The following ASB18 variants were observed in gnomAD, a reference collection of about 807,000 sequenced individuals.
ASB18 encodes the protein ankyrin repeat and SOCS box containing 18, also known as ankyrin repeat and SOCS box protein 18.
ASB18 carries 33 observed loss-of-function variants against 33.4 expected under a neutral mutation model. The ratio of observed to expected loss-of-function variants is 0.99; its 90% CI spans 0.75 to 1.32. The LOEUF is 1.32. Among genes scored for constraint, ASB18 ranks in the 40% most tolerant of loss-of-function variants. The pLI, the probability that ASB18 is intolerant of heterozygous loss-of-function variation, is 0.00. For missense variants in ASB18, 694 were observed against 655.5 expected (o/e 1.06, Z -0.64); for synonymous variants, 295 against 307.6 (o/e 0.96, Z 0.43).
rs144468696 is a variant in ASB18 at position 236,200,233 on chromosome 2, C to T, written c.1102-3848G>A. Among the ~76,000 whole-genome samples the T allele has an allele frequency of 5.1e-3, 770 of 152,228 alleles. 4 individuals carry two copies. The highest frequency in any genetic ancestry group is 6.8e-3 in the Middle Eastern group (2 of 294). On this transcript the variant is annotated intron_variant, in intron 4 of 5. Coordinates refer to ENST00000409749, the MANE Select transcript of ASB18 (RefSeq NM_212556.4). The surrounding 1 kb of genome is among the most constrained non-coding windows in gnomAD (Gnocchi z 4.2). ...GCATGGTGGTGCACATCTGTAGTCC[C>T]AGCTCCTCGGGAGGCAGAGGTAGGA...
At position 236,204,824 on chromosome 2, in the gene ASB18, C is replaced by G. The variant is rs2060425483; in HGVS notation, c.1102-8439G>C. ...ACTGAACTCCCTTGTTCACCAGGTC[C>G]CAACCTGCTGTGCCACCCATAACCT... On this transcript the variant is annotated intron_variant, in intron 4 of 5. Coordinates refer to ENST00000409749, the MANE Select transcript of ASB18 (RefSeq NM_212556.4). This position sits in a 1 kb window ranked among gnomAD's most constrained non-coding sequence, Gnocchi z 5.1. Among the ~76,000 whole-genome samples, 1 of 151,846 alleles carries G rather than the reference C, an allele frequency of 6.6e-6. No individual in the cohort carries two copies. The highest frequency in any genetic ancestry group is 2.4e-5 in the African/African-American group (1 of 41,280).
In ASB18 at chr2:236,203,242, G is replaced by A. The variant is rs1220268781; in HGVS notation, c.1102-6857C>T. 6.6e-6 allele frequency among the ~76,000 whole-genome samples: 1 copy of A among 152,146 alleles called. No individual in the cohort carries two copies. Among genetic ancestry groups the A allele is most frequent in the Non-Finnish European group, 1.5e-5 (1 of 68,040 alleles). ...TACAGTGCTGTGGTCATATGAGGGGGAGTTCAGGGGAAGATTTCTGGAAGA... is the reference window on the plus strand; with the variant it reads ...TACAGTGCTGTGGTCATATGAGGGGAAGTTCAGGGGAAGATTTCTGGAAGA... On this transcript the variant is annotated intron_variant, in intron 4 of 5. Transcript: ENST00000409749. The surrounding 1 kb of genome is among the most constrained non-coding windows in gnomAD (Gnocchi z 6.0).
chr2:236,196,460 T>A lies in ASB18; in HGVS notation c.1102-75A>T. The A allele has an allele frequency of 1.4e-6, 1 of 709,390 alleles. No homozygotes were observed. Among genetic ancestry groups the A allele is most frequent in the South Asian group, 1.6e-5 (1 of 62,682 alleles). 43.9% of individuals were successfully genotyped at this position (709,390 alleles called of 1,614,324 possible). Reference sequence around the variant, plus strand: ...CTCAGTGGGGAAAGGGTGGGGGGTGTGGGGGGATGCTCTCCCTAGCTGTGT... The same window carrying A: ...CTCAGTGGGGAAAGGGTGGGGGGTGAGGGGGGATGCTCTCCCTAGCTGTGT... On this transcript the variant is annotated intron_variant, in intron 4 of 5. Coordinates refer to ENST00000409749, the MANE Select transcript of ASB18 (RefSeq NM_212556.4). The surrounding 1 kb of genome is among the most constrained non-coding windows in gnomAD (Gnocchi z 5.6).
At position 236,250,784 on chromosome 2, in the gene ASB18, T is replaced by C. The variant is rs2060665290; in HGVS notation, c.206-9382A>G. On this transcript the variant is annotated intron_variant, in intron 1 of 5. Coordinates refer to ENST00000409749, the MANE Select transcript of ASB18 (RefSeq NM_212556.4). This position sits in a 1 kb window ranked among gnomAD's most constrained non-coding sequence, Gnocchi z 4.1. ...TTAAAAGTAAGAAGCTGGGCAGGTA[T>C]ATAAAGTTCTGCTTTTAAGAGTTCC... 1 of 152,218 alleles carries C rather than the reference T, an allele frequency of 6.6e-6. No homozygotes were observed. Among genetic ancestry groups the C allele is most frequent in the Non-Finnish European group, 1.5e-5 (1 of 68,048 alleles). 9.4% of individuals were successfully genotyped at this position (152,218 alleles called of 1,614,324 possible). A position where few individuals can be genotyped will look rare whatever the true frequency, so the allele number is the denominator to read the frequency against.
chr2:236,196,770 T>C lies in ASB18; in HGVS notation c.1102-385A>G. Among the ~76,000 whole-genome samples the C allele has an allele frequency of 6.6e-6, 1 of 152,206 alleles. No individual in the cohort carries two copies. The highest frequency in any genetic ancestry group is 1.5e-5 in the Non-Finnish European group (1 of 68,040). On this transcript the variant is annotated intron_variant, in intron 4 of 5. Transcript: ENST00000409749. The surrounding 1 kb of genome is among the most constrained non-coding windows in gnomAD (Gnocchi z 5.6). ...GCTAGGAGGAAGTTTGGCCCGAGGA[T>C]GGTGTTCCCAATTTCTTACCTCAAT...
intron 3 of ASB18, among the ~76,000 whole-genome samples, chr2:236,218,037 T>G (rs2060495632): frequency 6.6e-6 from 1 of 152,202 alleles, no homozygotes; most frequent in Non-Finnish European, 1.5e-5. Context: ...TCAGCCTCTC[T>G]AAAGAAGTCC....
rs2060396754 is a variant in ASB18, at chr2:236,200,721, G to A, written c.1102-4336C>T. Among the ~76,000 whole-genome samples, 1 of 152,186 alleles carries A rather than the reference G, an allele frequency of 6.6e-6. No individual in the cohort carries two copies. Among genetic ancestry groups the A allele is most frequent in the African/African-American group, 2.4e-5 (1 of 41,454 alleles). On this transcript the variant is annotated intron_variant, in intron 4 of 5. Coordinates refer to ENST00000409749, the MANE Select transcript of ASB18 (RefSeq NM_212556.4). This position sits in a 1 kb window ranked among gnomAD's most constrained non-coding sequence, Gnocchi z 4.2. ...TACGGATCCATAAAGGTGGAAGGAAGAGATCTTCACTCTATCGATGAATAA... is the reference window on the plus strand; with the variant it reads ...TACGGATCCATAAAGGTGGAAGGAAAAGATCTTCACTCTATCGATGAATAA...
chr2:236,237,691 G>A lies in ASB18; in HGVS notation c.594C>T (p.Leu198=), dbSNP rs1259966613. 3.4e-6 allele frequency: 5 copies of A among 1,449,722 alleles called. No homozygotes were observed. The highest frequency in any genetic ancestry group is 4.5e-6 in the Non-Finnish European group (5 of 1,107,530). 89.8% of individuals were successfully genotyped at this position (1,449,722 alleles called of 1,614,324 possible). The part of the protein sequence containing the change: ...PLHLCRTAAS[L]GCAQALLEHG... Reference sequence around the variant, plus strand: ...CGGGCCTGTCCCGAGGTCCTTACCCGAGCGAGGCGGCCGTGCGGCAGAGGT... The same window carrying A: ...CGGGCCTGTCCCGAGGTCCTTACCCAAGCGAGGCGGCCGTGCGGCAGAGGT... The change falls in exon 3 of 6, where the codon CTC becomes CTT. Residue 198 remains leucine, a splice_region_variant and synonymous_variant. Coordinates refer to ENST00000409749, the MANE Select transcript of ASB18 (RefSeq NM_212556.4). The surrounding 1 kb of genome is among the most constrained non-coding windows in gnomAD (Gnocchi z 6.2).
In ASB18 at chr2:236,214,693, CT is replaced by C; in HGVS notation, c.769del (p.Ser257AlafsTer113). 1 of 1,146,352 alleles carries C rather than the reference CT, an allele frequency of 8.7e-7. No homozygotes were observed. The highest frequency in any genetic ancestry group is 1.1e-6 in the Non-Finnish European group (1 of 934,190). 71.0% of individuals were successfully genotyped at this position (1,146,352 alleles called of 1,614,324 possible). A position where few individuals can be genotyped will look rare whatever the true frequency, so the allele number is the denominator to read the frequency against. On this transcript the variant is annotated frameshift_variant, in exon 4 of 6. Transcript: ENST00000409749. LOFTEE classifies it high-confidence loss of function. The surrounding 1 kb of genome is among the most constrained non-coding windows in gnomAD (Gnocchi z 6.5). ...CCTCCGCGCCGCACCGCAGGCCGCG[CT>C]CAGAGCCGTCTCTCCGCGGCCGTTC... ...ARNGRGETALSAACGAARRPD... is the reference protein window; with the variant it reads ...ARNGRGETALXAACGAARRPD...
In ASB18 at chr2:236,237,931, AC is replaced by A. The variant is rs1272736273; in HGVS notation, c.353del (p.Arg118LeufsTer139). Reference protein sequence around the residue: ...LSGLWTLEYKRELTTPLCIAA... With the variant: ...LSGLWTLEYKXELTTPLCIAA... ...CGATGCACAGGGGCGTGGTGAGCTC[AC>A]GCTTGTACTCCAGGGTCCAGAGGCC... On this transcript the variant is annotated frameshift_variant, in exon 3 of 6. Coordinates refer to ENST00000409749, the MANE Select transcript of ASB18 (RefSeq NM_212556.4). LOFTEE classifies it high-confidence loss of function. The surrounding 1 kb of genome is among the most constrained non-coding windows in gnomAD (Gnocchi z 6.2). 6.6e-7 allele frequency: 1 copy of A among 1,505,172 alleles called. No homozygotes were observed. The highest frequency in any genetic ancestry group is 8.8e-7 in the Non-Finnish European group (1 of 1,132,868). 93.2% of individuals were successfully genotyped at this position (1,505,172 alleles called of 1,614,324 possible).
At chr2:236,247,172 A>G (rs1401446521) in intron 1 of ASB18, among the ~76,000 whole-genome samples, 1 of 134,306 alleles carries the variant, frequency 7.4e-6, no homozygotes, top group East Asian at 2.0e-4. Context: ...AGCTCATGGT[A>G]GATAGCATTA....
chr2:236,212,698 C>T (rs763807397), intron 4 of ASB18, among the ~76,000 whole-genome samples: 16 of 152,158 alleles, frequency 1.1e-4, no homozygotes, highest in Non-Finnish European at 1.9e-4. Context: ...TATCACAGCT[C>T]ACTGCAGCCT....
rs1355851237 is a variant in ASB18 at position 236,194,955 on chromosome 2, AC to A, written c.1317del (p.Arg439SerfsTer105). 3.3e-5 allele frequency: 53 copies of A among 1,613,808 alleles called. No homozygotes were observed. Among genetic ancestry groups the A allele is most frequent in the Non-Finnish European group, 4.0e-5 (47 of 1,179,872 alleles). ...GGTAACAGGGGGATGAGGTCAAAGCACCTTTTGCCAAACAGTCTGCGAAGAG... is the reference window on the plus strand; with the variant it reads ...GGTAACAGGGGGATGAGGTCAAAGCACTTTTGCCAAACAGTCTGCGAAGAG... Reference protein sequence around the residue: ...RCALRRLFGKRCFDLIPLLPL... With the variant: ...RCALRRLFGKXCFDLIPLLPL... On this transcript the variant is annotated frameshift_variant, in exon 6 of 6. Transcript: ENST00000409749. LOFTEE classifies it low-confidence loss of function (END_TRUNC). This position sits in a 1 kb window ranked among gnomAD's most constrained non-coding sequence, Gnocchi z 4.5.
rs1003265017 is a variant in ASB18 at position 236,226,134 on chromosome 2, A to G, written c.597-11268T>C. ...GGGGACTCTTTAGAGCTGAAAAGCCATGGTCAAAACCTCAGGCCCTTTCGA... is the reference window on the plus strand; with the variant it reads ...GGGGACTCTTTAGAGCTGAAAAGCCGTGGTCAAAACCTCAGGCCCTTTCGA... On this transcript the variant is annotated intron_variant, in intron 3 of 5. Coordinates refer to ENST00000409749, the MANE Select transcript of ASB18 (RefSeq NM_212556.4). This position sits in a 1 kb window ranked among gnomAD's most constrained non-coding sequence, Gnocchi z 4.8. Among the ~76,000 whole-genome samples the G allele has an allele frequency of 1.3e-5, 2 of 152,352 alleles. No individual in the cohort carries two copies. The highest frequency in any genetic ancestry group is 2.1e-4 in the South Asian group (1 of 4,828).
Position 236,196,683 on chromosome 2 carries a change from TG to T in ASB18, c.1102-299del, listed in dbSNP as rs2060375607. Among the ~76,000 whole-genome samples, 1 of 152,220 alleles carries T rather than the reference TG, an allele frequency of 6.6e-6. No homozygotes were observed. The highest frequency in any genetic ancestry group is 6.5e-5 in the Admixed American group (1 of 15,284). ...ATTCAGGTTCCCAGGGGGGCTATGCTGGTGGCTTGGCAGGCCTCCTTGGCCC... is the reference window on the plus strand; with the variant it reads ...ATTCAGGTTCCCAGGGGGGCTATGCTGTGGCTTGGCAGGCCTCCTTGGCCC... On this transcript the variant is annotated intron_variant, in intron 4 of 5. Transcript: ENST00000409749. The surrounding 1 kb of genome is among the most constrained non-coding windows in gnomAD (Gnocchi z 5.6).
chr2:236,253,535 CTTATTATTATTA>C lies in ASB18; in HGVS notation c.205+10594_205+10605del, dbSNP rs56904956. The stretch of plus-strand genomic sequence containing the variant: ...GGGACTACAGCCACTTGCTGGTTAA[CTTATTATTATTA>C]TTATTATTATTATTATTGTGGTGGG... On this transcript the variant is annotated intron_variant, in intron 1 of 5. Coordinates refer to ENST00000409749, the MANE Select transcript of ASB18 (RefSeq NM_212556.4). This position sits in a 1 kb window ranked among gnomAD's most constrained non-coding sequence, Gnocchi z 5.4. 7.5e-5 allele frequency among the ~76,000 whole-genome samples: 11 copies of C among 146,220 alleles called. No homozygotes were observed. Among genetic ancestry groups the C allele is most frequent in the South Asian group, 2.3e-4 (1 of 4,366 alleles).
chr2:236,254,559 C>T (rs915296838), intron 1 of ASB18, among the ~76,000 whole-genome samples: 19 of 148,108 alleles, frequency 1.3e-4, no homozygotes, highest in African/African-American at 4.7e-4. Flanking sequence ...TATTATTCTT[C>T]TCTTCTCTTT....
At position 236,264,040 on chromosome 2, in the gene ASB18, T is replaced by C; in HGVS notation, c.205+101A>G. 1.1e-6 allele frequency: 1 copy of C among 937,322 alleles called. No homozygotes were observed. The highest frequency in any genetic ancestry group is 1.7e-6 in the Non-Finnish European group (1 of 603,654). The allele number at this position is 937,322 out of a possible 1,614,324, so 58.1% of individuals were successfully genotyped here. A position where few individuals can be genotyped will look rare whatever the true frequency, so the allele number is the denominator to read the frequency against. Reference sequence around the variant, plus strand: ...GTCAGATATCCGAGTACATATCATTTACTTTTTCCAAACATTTGCCCCTCT... The same window carrying C: ...GTCAGATATCCGAGTACATATCATTCACTTTTTCCAAACATTTGCCCCTCT... On this transcript the variant is annotated intron_variant, in intron 1 of 5. Coordinates refer to ENST00000409749, the MANE Select transcript of ASB18 (RefSeq NM_212556.4). The surrounding 1 kb of genome is among the most constrained non-coding windows in gnomAD (Gnocchi z 5.1).
chr2:236,237,769 C>T lies in ASB18; in HGVS notation c.516G>A (p.Leu172=). The T allele has an allele frequency of 6.9e-7, 1 of 1,447,082 alleles. No individual in the cohort carries two copies. Among genetic ancestry groups the T allele is most frequent in the South Asian group, 1.3e-5 (1 of 74,838 alleles). The allele number at this position is 1,447,082 out of a possible 1,614,324, so 89.6% of individuals were successfully genotyped here. The change falls in exon 3 of 6, where the codon CTG becomes CTA. Residue 172 remains leucine (L), a synonymous_variant. Coordinates refer to ENST00000409749, the MANE Select transcript of ASB18 (RefSeq NM_212556.4). This position sits in a 1 kb window ranked among gnomAD's most constrained non-coding sequence, Gnocchi z 6.2. The part of the protein sequence containing the change: ...GGHTACVRLL[L]QHRADPDLLS... Reference sequence around the variant, plus strand: ...GCAGGTCGGGGTCGGCGCGGTGCTGCAGCAGCAGGCGGACGCAGGCGGTGT... The same window carrying T: ...GCAGGTCGGGGTCGGCGCGGTGCTGTAGCAGCAGGCGGACGCAGGCGGTGT...
Sources: gnomAD v4.1 joint callset for allele counts (sites outside exome capture counted in the v4.1 genomes callset) on GRCh38, gnomAD v4.1.1 for gene constraint, Gnocchi (gnomAD v3.1) non-coding constraint, MANE v1.5 for transcripts, NCBI Gene and HGNC (gene_info 2026-07-23, HGNC 2026-07-21) for gene names.